MAP3K13: variants seen among roughly 807,000 people sequenced by gnomAD.
The protein encoded by MAP3K13 is mitogen-activated protein kinase kinase kinase 13, also known as leucine zipper-bearing kinase.
Under a neutral mutation model 104.0 loss-of-function variants are expected in MAP3K13, and 52 were observed. The ratio of observed to expected loss-of-function variants is 0.50; its 90% confidence interval spans 0.40 to 0.63. The LOEUF is 0.63. MAP3K13 is among the 20% of genes least tolerant of loss of function. The pLI, the probability that MAP3K13 is intolerant of heterozygous loss-of-function variation, is 0.00. For missense variants in MAP3K13, 914 were observed against 1,218.5 expected, an observed-to-expected ratio of 0.75 and a Z score of 3.72; for synonymous variants, 394 against 442.2, an observed-to-expected ratio of 0.89 and a Z score of 1.37.
rs564871634 is a variant in MAP3K13, at chr3:185,476,036, C to T, written c.2431-1290C>T. 3.3e-5 allele frequency among the ~76,000 whole-genome samples: 5 copies of T among 152,236 alleles called. No homozygotes were observed. The South Asian group carries it at 1.0e-3, about 32-fold the overall frequency. ...TGTATAGTTCAATGCTTTTTATCCA[C>T]AGAGCTGTGTAACTATCACCACGAC... On this transcript the variant is annotated intron_variant, in intron 11 of 13. Coordinates refer to ENST00000265026, the MANE Select transcript of MAP3K13 (RefSeq NM_004721.5).
At position 185,428,505 on chromosome 3, in the gene MAP3K13, G is replaced by T; in HGVS notation, c.-77G>T. ...CCTCCTGTTTTTCTCAGGTTTTGGA[G>T]CCCTCTCTTAAGTCAGAACTCTGTC... On this transcript the variant is annotated 5_prime_UTR_variant, in exon 2 of 14. Transcript: ENST00000265026. The T allele has an allele frequency of 6.7e-7, 1 of 1,495,828 alleles. No homozygotes were observed. Among genetic ancestry groups the T allele is most frequent in the Non-Finnish European group, 8.9e-7 (1 of 1,123,968 alleles). 92.7% of individuals were successfully genotyped at this position (1,495,828 alleles called of 1,614,324 possible). A position where few individuals can be genotyped will look rare whatever the true frequency, so the allele number is the denominator to read the frequency against.
intron 2 of MAP3K13, among the ~76,000 whole-genome samples, chr3:185,310,491 G>A (rs1320634009): frequency 6.6e-6 from 1 of 152,174 alleles, no homozygotes; most frequent in Non-Finnish European, 1.5e-5. Flanking sequence ...ACAGGAACAA[G>A]TAGAAAAAGT....
intron 1 of MAP3K13, among the ~76,000 whole-genome samples, chr3:185,399,564 C>T (rs1712636236): frequency 6.8e-6 from 1 of 146,410 alleles, no homozygotes; most frequent in South Asian, 2.2e-4. Flanking sequence ...GCGGAGATCA[C>T]ACCATTGCAC....
chr3:185,456,176 G>A (rs1378633887), intron 7 of MAP3K13, among the ~76,000 whole-genome samples: 1 of 151,884 alleles, frequency 6.6e-6, no homozygotes, highest in Non-Finnish European at 1.5e-5. Flanking sequence ...CCTAAGAAAT[G>A]ATAAATCAGA....
rs922597801 is a variant in MAP3K13, at chr3:185,417,680, C to T, written c.-85-10817C>T. The T allele has an allele frequency of 1.3e-5, 21 of 1,612,606 alleles. No individual in the cohort carries two copies. In the African/African-American group the frequency reaches 2.7e-4, roughly 21 times the overall value. On this transcript the variant is annotated intron_variant, in intron 1 of 13. Coordinates refer to ENST00000265026, the MANE Select transcript of MAP3K13 (RefSeq NM_004721.5). ...TTCTTGCCTGCAACCGCCGCCTTTT[C>T]ATCTGATTTGGCTGGTAGTGCTGCT...
chr3:185,292,727 A>C, intron 2 of MAP3K13: 3 of 985,332 alleles, frequency 3.0e-6, no homozygotes, highest in Non-Finnish European at 3.6e-6. Context: ...GGTTGGATAC[A>C]TGGCAACAAG....
chr3:185,374,333 G>A (rs1724314252), intron 1 of MAP3K13, among the ~76,000 whole-genome samples: 1 of 152,146 alleles, frequency 6.6e-6, no homozygotes, highest in South Asian at 2.1e-4. Context: ...GAGATAATGG[G>A]CGATGTTTCT....
chr3:185,283,373 C>G (rs576874346), intron 1 of MAP3K13, among the ~76,000 whole-genome samples: 2 of 152,152 alleles, frequency 1.3e-5, no homozygotes, highest in East Asian at 3.9e-4. Context: ...TCACCTACCC[C>G]GACCTGTTCT....
At chr3:185,402,997 TC>T (rs894441106) in intron 1 of MAP3K13, among the ~76,000 whole-genome samples, 9 of 152,068 alleles carry the variant, frequency 5.9e-5, no homozygotes, top group Non-Finnish European at 1.3e-4. Flanking sequence ...AGGCAAAACC[TC>T]CCTATTTCTC....
rs1406241173 is a variant in MAP3K13 at position 185,482,436 on chromosome 3, T to C, written c.2881T>C (p.Tyr961His). ...SDATVRTNKHYSSATW is the reference protein window; with the variant it reads ...SDATVRTNKHHSSATW ...TGCCACAGTTAGGACCAATAAACAC[T>C]ACAGCTCTGCTACCTGGTAATGAAG... The change falls in exon 14 of 14, where the codon TAC (tyrosine) becomes CAC (histidine). Residue 961 changes from tyrosine (Y) to histidine (H), a missense_variant. Physicochemically the swap from Tyr to His is moderately conservative, Grantham distance 83. This residue lies in a region of MAP3K13 where 583 missense variants were observed against 737.4 expected (regional missense o/e 0.79). Transcript: ENST00000265026. The surrounding 1 kb of genome is among the most constrained non-coding windows in gnomAD (Gnocchi z 4.5). 6.2e-7 allele frequency: 1 copy of C among 1,613,434 alleles called. No homozygotes were observed. The highest frequency in any genetic ancestry group is 1.1e-5 in the South Asian group (1 of 91,058).
chr3:185,409,734 T>C (rs1036688693), intron 1 of MAP3K13, among the ~76,000 whole-genome samples: 2 of 152,128 alleles, frequency 1.3e-5, no homozygotes, highest in African/African-American at 4.8e-5. Context: ...AATCAACCCA[T>C]GTCCGACAAT....
Position 185,477,217 on chromosome 3 carries a change from A to C in MAP3K13, c.2431-109A>C, listed in dbSNP as rs141362524. The C allele has an allele frequency of 4.5e-5, 34 of 755,666 alleles. No homozygotes were observed. The African/African-American group carries it at 5.3e-4, about 12-fold the overall frequency. 46.8% of individuals were successfully genotyped at this position (755,666 alleles called of 1,614,324 possible). A position where few individuals can be genotyped will look rare whatever the true frequency, so the allele number is the denominator to read the frequency against. On this transcript the variant is annotated intron_variant, in intron 11 of 13. Coordinates refer to ENST00000265026, the MANE Select transcript of MAP3K13 (RefSeq NM_004721.5). Reference sequence around the variant, plus strand: ...GATGACATTCAGCAAGCTACTACTAAATGAATGACTTTTGATGATAATTAC... The same window carrying C: ...GATGACATTCAGCAAGCTACTACTACATGAATGACTTTTGATGATAATTAC...
At chr3:185,391,542 A>G (rs1274896469) in intron 1 of MAP3K13, among the ~76,000 whole-genome samples, 1 of 152,180 alleles carries the variant, frequency 6.6e-6, no homozygotes. Context: ...CACAGAAAGG[A>G]CCTCTAATGT....
intron 2 of MAP3K13, among the ~76,000 whole-genome samples, chr3:185,331,912 A>C (rs1237343338): frequency 6.6e-6 from 1 of 152,144 alleles, no homozygotes; most frequent in African/African-American, 2.4e-5. Flanking sequence ...AAATGTTTTC[A>C]GTTGTAATAT....
chr3:185,300,955 T>C (rs1721083786), intron 2 of MAP3K13, among the ~76,000 whole-genome samples: 1 of 152,196 alleles, frequency 6.6e-6, no homozygotes, highest in African/African-American at 2.4e-5. Context: ...TTCTTTTGGA[T>C]ATATACCCAG....
At chr3:185,434,128 T>C (rs1203162691) in intron 2 of MAP3K13, among the ~76,000 whole-genome samples, 1 of 151,988 alleles carries the variant, frequency 6.6e-6, no homozygotes, top group Non-Finnish European at 1.5e-5. Flanking sequence ...TAATAGACAA[T>C]GATATAGAAT....
chr3:185,323,333 CTT>C (rs869206853), intron 2 of MAP3K13, among the ~76,000 whole-genome samples: 8 of 134,308 alleles, frequency 6.0e-5, no homozygotes, highest in Non-Finnish European at 8.0e-5. Context: ...TTTGGCATAC[CTT>C]TTTTTTTTTT....
chr3:185,357,673 T>A (rs1723425973), intron 2 of MAP3K13, among the ~76,000 whole-genome samples: 1 of 152,096 alleles, frequency 6.6e-6, no homozygotes, highest in African/African-American at 2.4e-5. Context: ...TGGTAAATAT[T>A]TTATTAATTG....
At chr3:185,317,556 C>T (rs751584504) in intron 2 of MAP3K13, among the ~76,000 whole-genome samples, 14 of 152,152 alleles carry the variant, frequency 9.2e-5, no homozygotes, top group Non-Finnish European at 1.3e-4. Flanking sequence ...ACAGGAATTA[C>T]GTATGGACTC....
Sources: gnomAD v4.1 joint callset for allele counts (sites outside exome capture counted in the v4.1 genomes callset) on GRCh38, gnomAD v4.1.1 for gene constraint, gnomAD v4.1.1 regional missense constraint, Gnocchi (gnomAD v3.1) non-coding constraint, MANE v1.5 for transcripts, NCBI Gene and HGNC (gene_info 2026-07-23, HGNC 2026-07-21) for gene names.